TRPV3: variants seen among roughly 807,000 people sequenced by gnomAD.
The protein encoded by TRPV3 is VRL-3.
In TRPV3, 88 loss-of-function variants were observed where a neutral mutation model predicts 87.1. That is an observed-to-expected ratio of 1.01 (90% CI 0.85 to 1.21). The LOEUF (loss-of-function observed/expected upper bound fraction) is 1.21, where lower values mean the gene tolerates loss of function less well. TRPV3 is among the 50% of genes most tolerant of loss of function. TRPV3 has a pLI of 0.00. For synonymous variants in TRPV3, 438 were observed against 423.3 expected, an observed-to-expected ratio of 1.03 and a Z score of -0.43; for missense variants, 1,054 against 1,030.1, an observed-to-expected ratio of 1.02 and a Z score of -0.32.
At chr17:3,525,089 T>G (rs111246186) in intron 12 of TRPV3, among the ~76,000 whole-genome samples, 5,963 of 152,136 alleles carry the variant, frequency 0.039, 175 homozygotes, top group Non-Finnish European at 0.054. Context: ...GCATGAACTC[T>G]GCTCACTGCA....
At chr17:3,543,453 C>A in intron 5 of TRPV3, 21 bp downstream of exon 5, 1 of 1,611,350 alleles carries the variant, frequency 6.2e-7, no homozygotes, top group Non-Finnish European at 8.5e-7. Context: ...CCTGCACCCT[C>A]TGCCAGGCTC....
chr17:3,534,087 C>CCT (rs2074376720), intron 7 of TRPV3, among the ~76,000 whole-genome samples: 1 of 152,150 alleles, frequency 6.6e-6, no homozygotes, highest in Non-Finnish European at 1.5e-5. Flanking sequence ...AGCTGCCTCC[C>CCT]CTCTCCTCGC....
At position 3,513,445 on chromosome 17, in the gene TRPV3, G is replaced by A. The variant is rs1330355371; in HGVS notation, c.*472C>T. On this transcript the variant is annotated 3_prime_UTR_variant, in exon 18 of 18. Transcript: ENST00000576742. Reference sequence around the variant, plus strand: ...CCCGCACACTCTGGGATGGGATCACGGGTCTCCCACAAATTCAGGCAACCC... The same window carrying A: ...CCCGCACACTCTGGGATGGGATCACAGGTCTCCCACAAATTCAGGCAACCC... 1 of 157,238 alleles carries A rather than the reference G, an allele frequency of 6.4e-6. No homozygotes were observed. The highest frequency in any genetic ancestry group is 2.4e-5 in the African/African-American group (1 of 41,538). The allele number at this position is 157,238 out of a possible 1,614,324, so 9.7% of individuals were successfully genotyped here.
At chr17:3,552,443 C>G (rs1167267240) in intron 2 of TRPV3, 1 of 152,216 alleles carries the variant, frequency 6.6e-6, no homozygotes, top group Non-Finnish European at 1.5e-5. Flanking sequence ...ATCCACCCGC[C>G]TCGGCCTCCC....
intron 7 of TRPV3, 78 bp downstream of exon 7, chr17:3,535,495 C>T (rs2074400479): frequency 7.1e-7 from 1 of 1,411,342 alleles, no homozygotes; most frequent in East Asian, 2.8e-5. Flanking sequence ...TTCTTCCCTC[C>T]TTCCCCTTCC....
intron 6 of TRPV3, among the ~76,000 whole-genome samples, chr17:3,542,203 C>T (rs529893134): frequency 5.1e-4 from 78 of 152,140 alleles, no homozygotes; most frequent in South Asian, 1.2e-3. Flanking sequence ...GTGATCCACC[C>T]GCCTCAGCCT....
In TRPV3 at chr17:3,528,188, T is replaced by C; in HGVS notation, c.1402-62A>G. 1 of 1,339,310 alleles carries C rather than the reference T, an allele frequency of 7.5e-7. No individual in the cohort carries two copies. Among genetic ancestry groups the C allele is most frequent in the Non-Finnish European group, 1.0e-6 (1 of 972,464 alleles). 83.0% of individuals were successfully genotyped at this position (1,339,310 alleles called of 1,614,324 possible). A position where few individuals can be genotyped will look rare whatever the true frequency, so the allele number is the denominator to read the frequency against. On this transcript the variant is annotated intron_variant, in intron 10 of 17. Transcript: ENST00000576742. This position sits in a 1 kb window ranked among gnomAD's most constrained non-coding sequence, Gnocchi z 4.2. Reference sequence around the variant, plus strand: ...CAAGGAGGACAGGGCTGGCACCAACTCTAGAGGGACCAAAACCCAGGTGAA... The same window carrying C: ...CAAGGAGGACAGGGCTGGCACCAACCCTAGAGGGACCAAAACCCAGGTGAA...
rs116110236 is a variant in TRPV3, at chr17:3,557,532, G to C, written c.-3+144C>G. On this transcript the variant is annotated intron_variant, in intron 1 of 17. Transcript: ENST00000576742. The surrounding 1 kb of genome is among the most constrained non-coding windows in gnomAD (Gnocchi z 4.5). ...TCCCTACAGCCAAGAGTGGGCCCCT[G>C]GCTGGGGCCCAAGCTCCTTCCAACC... 1 of 152,484 alleles carries C rather than the reference G, an allele frequency of 6.6e-6. No homozygotes were observed. The highest frequency in any genetic ancestry group is 2.4e-5 in the African/African-American group (1 of 41,464). 9.4% of individuals were successfully genotyped at this position (152,484 alleles called of 1,614,324 possible).
intron 6 of TRPV3, among the ~76,000 whole-genome samples, chr17:3,539,172 C>A (rs138560045): frequency 1.1e-4 from 16 of 152,050 alleles, no homozygotes; most frequent in African/African-American, 3.9e-4. Context: ...AAAAAACCAA[C>A]TTGTAGAATA....
chr17:3,543,803 T>TC (rs2074492336), intron 4 of TRPV3, among the ~76,000 whole-genome samples, 175 bp from the exon 5 acceptor site: 1 of 152,178 alleles, frequency 6.6e-6, no homozygotes, highest in South Asian at 2.1e-4. Context: ...CCCCTTGTAA[T>TC]CCATATGCAA....
At chr17:3,532,564 G>T in intron 8 of TRPV3, 93 bp downstream of exon 8, 4 of 1,460,916 alleles carry the variant, frequency 2.7e-6, no homozygotes, top group Non-Finnish European at 3.7e-6. Context: ...GCTGTGGTTT[G>T]TGAATCCCCA....
chr17:3,537,883 C>G (rs12945046), intron 6 of TRPV3, among the ~76,000 whole-genome samples: 1 of 79,602 alleles, frequency 1.3e-5, no homozygotes, highest in Non-Finnish European at 2.6e-5. Flanking sequence ...GAGCAAGACT[C>G]TGTCTTTTTA....
At chr17:3,536,026 A>AG (rs1371799680) in intron 6 of TRPV3, among the ~76,000 whole-genome samples, 1 of 152,216 alleles carries the variant, frequency 6.6e-6, no homozygotes, top group Non-Finnish European at 1.5e-5. Context: ...TACGATTCAG[A>AG]GGGGTGCAGG....
intron 16 of TRPV3, among the ~76,000 whole-genome samples, chr17:3,515,146 G>A (rs1239612172): frequency 6.6e-6 from 1 of 152,208 alleles, no homozygotes; most frequent in Non-Finnish European, 1.5e-5. Context: ...TACAACCATA[G>A]GCATTGATGT....
chr17:3,518,771 C>T lies in TRPV3; in HGVS notation c.1890G>A (p.Leu630=). ...SSYGSFSDAV[L]ELFKLTIGLG... ...GGCCTATGGTGAGCTTGAAGAGTTC[C>T]AGCACTGCGTCGCTGAAGCTGCCGT... The change falls in exon 15 of 18, where the codon CTG becomes CTA. Residue 630 remains leucine, a synonymous_variant. Transcript: ENST00000576742. This position sits in a 1 kb window ranked among gnomAD's most constrained non-coding sequence, Gnocchi z 4.3. 3 of 1,614,090 alleles carry T rather than the reference C, an allele frequency of 1.9e-6. No individual in the cohort carries two copies. The highest frequency in any genetic ancestry group is 2.5e-6 in the Non-Finnish European group (3 of 1,179,972).
intron 14 of TRPV3, among the ~76,000 whole-genome samples, chr17:3,519,448 G>GGATGGATGGATAGATGATTA (rs2074215953): frequency 7.0e-6 from 1 of 142,806 alleles, no homozygotes; most frequent in African/African-American, 2.8e-5. Flanking sequence ...ATGGATGGAT[G>GGATGGATGGATAGATGATTA]GATAGATGAT....
chr17:3,516,312 T>C, intron 16 of TRPV3, 145 bp downstream of exon 16: 1 of 650,346 alleles, frequency 1.5e-6, no homozygotes. Context: ...GCAAATTCCT[T>C]CTTCCAAGGA....
At chr17:3,545,125 G>T in intron 3 of TRPV3, 42 bp downstream of exon 3, 1 of 1,473,506 alleles carries the variant, frequency 6.8e-7, no homozygotes, top group Non-Finnish European at 9.5e-7. Context: ...GGAGCTGAGG[G>T]CTGGGCCCAG....
chr17:3,519,324 T>TTGGATGGA (rs148324359), intron 14 of TRPV3, among the ~76,000 whole-genome samples: 3,754 of 146,652 alleles, frequency 0.026, 75 homozygotes, highest in Middle Eastern at 0.056. Flanking sequence ...TGCTGAATGG[T>TTGGATGGA]TGGATGGATG....
Sources: allele counts gnomAD v4.1 joint callset (sites outside exome capture counted in the v4.1 genomes callset), GRCh38; gene constraint gnomAD v4.1.1; non-coding constraint Gnocchi (gnomAD v3.1); transcripts MANE v1.5; gene names NCBI Gene and HGNC (gene_info 2026-07-23, HGNC 2026-07-21).